SNRPA1: variants seen among roughly 807,000 people sequenced by gnomAD.
The protein encoded by SNRPA1 is U2 small nuclear ribonucleoprotein A'.
SNRPA1 carries 5 observed loss-of-function variants against 32.3 expected under a neutral mutation model. The ratio of observed to expected loss-of-function variants is 0.15; its 90% CI spans 0.08 to 0.33. The LOEUF (loss-of-function observed/expected upper bound fraction) is 0.33. SNRPA1 is among the 10% of genes least tolerant of loss of function. SNRPA1 has a pLI of 1.00. For missense variants in SNRPA1, 198 were observed against 311.1 expected (o/e 0.64, Z 2.74); for synonymous variants, 111 against 120.1 (o/e 0.92, Z 0.50).
chr15:101,289,954 C>G (rs1378042440), intron 3 of SNRPA1: 1 of 95,096 alleles, frequency 1.1e-5, no homozygotes, highest in Non-Finnish European at 2.2e-5. Context: ...TTCAACCATA[C>G]AGTTTTTAAG....
chr15:101,281,859 T>C, intron 8 of SNRPA1, 77 bp from the exon 9 acceptor site: 1 of 1,387,602 alleles, frequency 7.2e-7, no homozygotes, highest in Non-Finnish European at 1.0e-6. Context: ...GTTTGTTCTG[T>C]GGCCACTGTT....
intron 7 of SNRPA1, among the ~76,000 whole-genome samples, chr15:101,285,311 T>C (rs1230054269): frequency 6.6e-6 from 1 of 152,210 alleles, no homozygotes; most frequent in Non-Finnish European, 1.5e-5. Context: ...TCTAAAATCG[T>C]AGCTAAGTGA....
intron 3 of SNRPA1, among the ~76,000 whole-genome samples, chr15:101,290,302 T>C (rs1294116135): frequency 2.6e-5 from 4 of 152,218 alleles, no homozygotes; most frequent in Non-Finnish European, 5.9e-5. Flanking sequence ...GTAGTCTTCA[T>C]CTTTGCAAAG....
chr15:101,286,263 C>T lies in SNRPA1; in HGVS notation c.490G>A (p.Gly164Ser), dbSNP rs1166981227. ...TTTGCAAGCTGTGCACCCCGTTTGC[C>T]CTTGAACATTTTCTCTGCTTCCTGA... ...ERQEAEKMFK[G>S]KRGAQLAKDI... is the part of the protein sequence containing the mutation. Residue 164 changes from glycine (G) to serine (S), a missense_variant, in exon 6 of 9, where the codon GGC (glycine) becomes AGC (serine). Gly to Ser is a moderately conservative substitution (Grantham distance 56, BLOSUM62 0). Transcript: ENST00000254193. The T allele has an allele frequency of 6.2e-7, 1 of 1,614,122 alleles. No individual in the cohort carries two copies. The highest frequency in any genetic ancestry group is 2.2e-5 in the East Asian group (1 of 44,880).
At chr15:101,293,917 G>A (rs936010273) in intron 1 of SNRPA1, among the ~76,000 whole-genome samples, 1 of 152,198 alleles carries the variant, frequency 6.6e-6, no homozygotes, top group African/African-American at 2.4e-5. Context: ...GCTCCATAAA[G>A]AGAAATGGCA....
chr15:101,284,924 G>A (rs762880733), intron 8 of SNRPA1, 43 bp downstream of exon 8: 2 of 1,439,270 alleles, frequency 1.4e-6, no homozygotes, highest in East Asian at 2.3e-5. Context: ...TACACTCTGA[G>A]TGTAACATTA....
At chr15:101,285,154 A>C in intron 7 of SNRPA1, 94 bp from the exon 8 acceptor site, 2 of 808,268 alleles carry the variant, frequency 2.5e-6, no homozygotes, top group Non-Finnish European at 4.3e-6. Flanking sequence ...AGAAATTCAC[A>C]GCAACTTCTC....
chr15:101,292,786 A>C (rs1004620754), intron 2 of SNRPA1: 5 of 297,384 alleles, frequency 1.7e-5, no homozygotes, highest in Non-Finnish European at 3.1e-5. Context: ...GACTAATGCC[A>C]GGTTAATCTC....
At chr15:101,292,878 A>C (rs1482918) in intron 2 of SNRPA1, 147 bp downstream of exon 2, 168,565 of 482,812 alleles carry the variant, frequency 0.35, 29,801 homozygotes, top group Middle Eastern at 0.42. Context: ...TATGGAAAAA[A>C]TATTTTTTCA....
chr15:101,293,226 C>T, intron 1 of SNRPA1, 54 bp from the exon 2 acceptor site: 1 of 1,264,576 alleles, frequency 7.9e-7, no homozygotes, highest in South Asian at 1.4e-5. Context: ...AAACAGTTGC[C>T]CCTTAAAGCA....
Position 101,284,792 on chromosome 15 carries a change from G to A in SNRPA1, c.709+175C>T, listed in dbSNP as rs115003306. ...GCTGGGATTACAGGCGTGAGCCACT[G>A]CACCCAACCCATCAAATACTTTATC... On this transcript the variant is annotated intron_variant, in intron 8 of 8. Transcript: ENST00000254193. 680 of 541,952 alleles carry A rather than the reference G, an allele frequency of 1.3e-3. 1 individual carries two copies. The highest frequency in any genetic ancestry group is 9.2e-3 in the Middle Eastern group (17 of 1,852). 33.6% of individuals were successfully genotyped at this position (541,952 alleles called of 1,614,324 possible).
intron 1 of SNRPA1, among the ~76,000 whole-genome samples, chr15:101,293,561 G>A (rs2039552301): frequency 6.6e-6 from 1 of 152,150 alleles, no homozygotes; most frequent in East Asian, 1.9e-4. Context: ...GTGCCCAAAC[G>A]GCGTTCAAAC....
At chr15:101,295,018 TC>T (rs2141317128) in intron 1 of SNRPA1, 78 bp downstream of exon 1, 1 of 959,394 alleles carries the variant, frequency 1.0e-6, no homozygotes. Flanking sequence ...GCTCCGGCCT[TC>T]GGTGCACGCG....
rs550279573 is a variant in SNRPA1, at chr15:101,281,675, A to G, written c.*49T>C. On this transcript the variant is annotated 3_prime_UTR_variant, in exon 9 of 9. Coordinates refer to ENST00000254193, the MANE Select transcript of SNRPA1 (RefSeq NM_003090.4). ...CAAGGCTATTATACCATGTTCGAAA[A>G]GCAAGACTTGTTCCAAGAGGGCCTA... is the stretch of plus-strand genomic sequence containing the variant. The G allele has an allele frequency of 2.3e-5, 33 of 1,436,716 alleles. No homozygotes were observed. In the South Asian group the frequency reaches 3.8e-4, roughly 16 times the overall value. 89.0% of individuals were successfully genotyped at this position (1,436,716 alleles called of 1,614,324 possible).
chr15:101,290,214 A>G (rs559498652), intron 3 of SNRPA1, among the ~76,000 whole-genome samples: 15 of 152,234 alleles, frequency 9.9e-5, no homozygotes, highest in Non-Finnish European at 2.2e-4. Flanking sequence ...ACTAAAATCG[A>G]CAGAACTTCA....
intron 3 of SNRPA1, among the ~76,000 whole-genome samples, chr15:101,288,718 A>C (rs8027101): frequency 0.45 from 69,094 of 152,092 alleles, 17,378 homozygotes; most frequent in African/African-American, 0.68. Context: ...GAGAGCAACA[A>C]GGCTTGCAGG....
chr15:101,292,604 A>G (rs968408947), intron 2 of SNRPA1, among the ~76,000 whole-genome samples: 1 of 150,734 alleles, frequency 6.6e-6, no homozygotes, highest in Non-Finnish European at 1.5e-5. Context: ...AAAAAAAAAA[A>G]GCAGAGACGC....
chr15:101,290,700 G>A (rs553623165), intron 3 of SNRPA1, among the ~76,000 whole-genome samples: 149 of 150,732 alleles, frequency 9.9e-4, no homozygotes, highest in Non-Finnish European at 2.0e-3. Flanking sequence ...TTTAGCCACT[G>A]GAATACCTGG....
intron 3 of SNRPA1, among the ~76,000 whole-genome samples, chr15:101,290,971 A>G (rs1299334850): frequency 6.6e-6 from 1 of 151,754 alleles, no homozygotes. Context: ...TGAACTCCTG[A>G]CCTCGTGATC....
Sources: allele counts gnomAD v4.1 joint callset (sites outside exome capture counted in the v4.1 genomes callset), GRCh38; gene constraint gnomAD v4.1.1; transcripts MANE v1.5; gene names NCBI Gene and HGNC (gene_info 2026-07-23, HGNC 2026-07-21).